Variants in XPNPEP3 observed in about 807,000 individuals in gnomAD.
The protein encoded by XPNPEP3 is xaa-Pro aminopeptidase 3.
XPNPEP3 carries 41 observed loss-of-function variants against 60.0 expected under a neutral mutation model. The ratio of observed to expected loss-of-function variants is 0.68; its 90% CI spans 0.53 to 0.89. The LOEUF is 0.89. Ranked by LOEUF, XPNPEP3 falls within the 40% of genes least tolerant of loss-of-function variation. XPNPEP3 has a pLI of 0.00. For missense variants in XPNPEP3, 598 were observed against 638.9 expected, an observed-to-expected ratio of 0.94 and a Z score of 0.69; for synonymous variants, 212 against 223.2, an observed-to-expected ratio of 0.95 and a Z score of 0.45.
intron 6 of XPNPEP3, among the ~76,000 whole-genome samples, chr22:40,912,458 G>A (rs963270032): frequency 3.9e-5 from 6 of 152,084 alleles, no homozygotes; most frequent in African/African-American, 1.4e-4. Context: ...TCACAGTATT[G>A]TCTTACATTT....
Position 40,869,076 on chromosome 22 carries a change from C to T in XPNPEP3, c.142C>T (p.Gln48Ter), listed in dbSNP as rs752008538. ...GAGGATTCCAAACCGATACTTAGGC[C>T]AGCCCAGCCCCTTTACACACCCACA... Reference protein sequence around the residue: ...ERRIPNRYLGQPSPFTHPHLL... With the variant: ...ERRIPNRYLG Residue 48 changes from glutamine to a stop codon, truncating the protein, a stop_gained, in exon 2 of 10, where the codon CAG becomes TAG. Transcript: ENST00000357137. LOFTEE classifies it high-confidence loss of function. The T allele has an allele frequency of 6.2e-7, 1 of 1,614,066 alleles. No individual in the cohort carries two copies. The highest frequency in any genetic ancestry group is 1.7e-5 in the Admixed American group (1 of 60,018).
chr22:40,912,325 A>G (rs557549341), intron 6 of XPNPEP3, among the ~76,000 whole-genome samples: 2 of 152,288 alleles, frequency 1.3e-5, no homozygotes, highest in East Asian at 3.9e-4. Context: ...GGATATACAT[A>G]TCTGCAACTG....
intron 1 of XPNPEP3, among the ~76,000 whole-genome samples, chr22:40,865,398 G>A (rs1450751173): frequency 1.4e-5 from 2 of 147,196 alleles, no homozygotes; most frequent in Non-Finnish European, 3.0e-5. Flanking sequence ...GTGTGATCTC[G>A]GCTCACTGCA....
At chr22:40,867,301 C>G (rs1230487767) in intron 1 of XPNPEP3, among the ~76,000 whole-genome samples, 1 of 152,180 alleles carries the variant, frequency 6.6e-6, no homozygotes, top group Non-Finnish European at 1.5e-5. Flanking sequence ...AATCTTTGCT[C>G]TTATCCCTCC....
chr22:40,858,137 C>CA (rs2057914835), intron 1 of XPNPEP3, among the ~76,000 whole-genome samples: 1 of 152,208 alleles, frequency 6.6e-6, no homozygotes, highest in Non-Finnish European at 1.5e-5. Context: ...GACAGGCTCT[C>CA]ATTCTGTTGC....
At position 40,907,602 on chromosome 22, in the gene XPNPEP3, A is replaced by AT; in HGVS notation, c.809dup (p.Met270IlefsTer5). On this transcript the variant is annotated frameshift_variant, in exon 5 of 10. Coordinates refer to ENST00000357137, the MANE Select transcript of XPNPEP3 (RefSeq NM_022098.4). LOFTEE classifies it high-confidence loss of function. Reference sequence around the variant, plus strand: ...CTCTTTGCAGGCTTTCATAGAAACCATGTTCACCAGTAAAGCCCCTGTGGA... The same window carrying AT: ...CTCTTTGCAGGCTTTCATAGAAACCATTGTTCACCAGTAAAGCCCCTGTGGA... 1.2e-6 allele frequency: 2 copies of AT among 1,614,048 alleles called. No homozygotes were observed. The highest frequency in any genetic ancestry group is 1.7e-6 in the Non-Finnish European group (2 of 1,179,944).
chr22:40,904,764 T>A (rs1344950580), intron 4 of XPNPEP3, among the ~76,000 whole-genome samples: 1 of 152,212 alleles, frequency 6.6e-6, no homozygotes, highest in Non-Finnish European at 1.5e-5. Context: ...ATTGATTTTT[T>A]AATTTTTTTA....
intron 1 of XPNPEP3, 86 bp downstream of exon 1, chr22:40,857,331 C>T (rs760948362): frequency 3.8e-5 from 56 of 1,471,058 alleles, no homozygotes; most frequent in Non-Finnish European, 5.3e-5. Context: ...TTCGGCTGAC[C>T]CTTCTCCTGG....
At position 40,922,370 on chromosome 22, in the gene XPNPEP3, C is replaced by G. The variant is rs775092668; in HGVS notation, c.1093C>G (p.Leu365Val). 8.7e-6 allele frequency: 14 copies of G among 1,613,762 alleles called. No individual in the cohort carries two copies. The highest frequency in any genetic ancestry group is 1.6e-4 in the Middle Eastern group (1 of 6,080). ...TCAGGCAGAACTCTATGAAGCCGTTCTAGAGATCCAAAGAGATTGTTTGGC... is the reference window on the plus strand; with the variant it reads ...TCAGGCAGAACTCTATGAAGCCGTTGTAGAGATCCAAAGAGATTGTTTGGC... ...APQAELYEAV[L>V]EIQRDCLALC... The change falls in exon 8 of 10, where the codon CTA (leucine) becomes GTA (valine). Residue 365 changes from leucine (L) to valine (V), a missense_variant. Transcript: ENST00000357137.
At chr22:40,860,999 A>G (rs999191193) in intron 1 of XPNPEP3, 139 of 1,454,186 alleles carry the variant, frequency 9.6e-5, no homozygotes, top group Non-Finnish European at 1.2e-4. Context: ...AGTGTTATCT[A>G]CAAAATTTGT....
intron 3 of XPNPEP3, among the ~76,000 whole-genome samples, chr22:40,885,182 A>C (rs1030325871): frequency 6.6e-6 from 1 of 152,172 alleles, no homozygotes. Flanking sequence ...GAATCAGTGC[A>C]TATCCAATCA....
At chr22:40,865,636 C>T (rs2057974664) in intron 1 of XPNPEP3, among the ~76,000 whole-genome samples, 1 of 147,892 alleles carries the variant, frequency 6.8e-6, no homozygotes, top group South Asian at 2.2e-4. Flanking sequence ...CATAGTCCTC[C>T]CCACTTCTTA....
At chr22:40,861,316 C>T (rs1385619341) in intron 1 of XPNPEP3, 1 of 1,614,160 alleles carries the variant, frequency 6.2e-7, no homozygotes. Context: ...TCATTGGCCA[C>T]ACTATTTACA....
At chr22:40,926,157 A>G in intron 9 of XPNPEP3, 112 bp from the exon 10 acceptor site, 2 of 1,122,772 alleles carry the variant, frequency 1.8e-6, no homozygotes, top group South Asian at 2.5e-5. Context: ...TAGGTACCAT[A>G]AAGATCCAGT....
At chr22:40,858,543 T>A (rs974246945) in intron 1 of XPNPEP3, among the ~76,000 whole-genome samples, 2 of 148,736 alleles carry the variant, frequency 1.3e-5, no homozygotes, top group South Asian at 4.4e-4. Context: ...TTTTTTTTTT[T>A]TTTGAGACAG....
chr22:40,920,914 T>G (rs1481765829), intron 7 of XPNPEP3, among the ~76,000 whole-genome samples: 1 of 152,176 alleles, frequency 6.6e-6, no homozygotes, highest in Admixed American at 6.6e-5. Flanking sequence ...TGCCTCAGCC[T>G]CCCGAGTAGC....
At chr22:40,861,332 A>T (rs1409641305) in intron 1 of XPNPEP3, 1 of 1,614,062 alleles carries the variant, frequency 6.2e-7, no homozygotes, top group East Asian at 2.2e-5. Flanking sequence ...TTACAAGAAA[A>T]AATGTCAACT....
chr22:40,869,797 A>G (rs995209441), intron 2 of XPNPEP3, among the ~76,000 whole-genome samples: 6 of 152,256 alleles, frequency 3.9e-5, no homozygotes, highest in African/African-American at 1.2e-4. Context: ...GGGGTGAACT[A>G]TGACTAATGA....
At chr22:40,907,745 A>G (rs913052702) in intron 5 of XPNPEP3, 96 bp downstream of exon 5, 11 of 1,148,022 alleles carry the variant, frequency 9.6e-6, no homozygotes, top group Middle Eastern at 2.0e-4. Flanking sequence ...TGTGATAGTG[A>G]TGACCAGCAT....
Sources: gnomAD v4.1 joint callset for allele counts (sites outside exome capture counted in the v4.1 genomes callset) on GRCh38, gnomAD v4.1.1 for gene constraint, MANE v1.5 for transcripts, NCBI Gene and HGNC (gene_info 2026-07-23, HGNC 2026-07-21) for gene names.